Variants in CTNND2 observed in about 807,000 individuals in gnomAD.
CTNND2 encodes catenin delta-2.
In CTNND2, 22 loss-of-function variants were observed where a neutral mutation model predicts 144.4. That is an observed-to-expected ratio of 0.15 (90% confidence interval 0.11 to 0.22). The LOEUF (loss-of-function observed/expected upper bound fraction) is 0.22, where lower values mean the gene tolerates loss of function less well. Ranked by LOEUF, CTNND2 falls within the 10% of genes least tolerant of loss-of-function variation. The pLI, the probability that CTNND2 is intolerant of heterozygous loss-of-function variation, is 1.00. For synonymous variants in CTNND2, 751 were observed against 695.6 expected, an observed-to-expected ratio of 1.08 and a Z score of -1.25; for missense variants, 1,353 against 1,618.8, an observed-to-expected ratio of 0.84 and a Z score of 2.82.
At chr5:11,498,350 TCAGTGCAGC>T (rs1770191631) in intron 3 of CTNND2, among the ~76,000 whole-genome samples, 1 of 151,566 alleles carries the variant, frequency 6.6e-6, no homozygotes, top group Non-Finnish European at 1.5e-5. Flanking sequence ...TGATTAGGAG[TCAGTGCAGC>T]ATGGGAACCT....
chr5:11,876,824 A>T (rs1242353168), intron 1 of CTNND2, among the ~76,000 whole-genome samples: 2 of 152,212 alleles, frequency 1.3e-5, no homozygotes, highest in Non-Finnish European at 1.5e-5. Flanking sequence ...AAGTAATTTT[A>T]AATTATTATT....
chr5:11,538,849 A>G (rs59492048), intron 3 of CTNND2, among the ~76,000 whole-genome samples: 1 of 152,166 alleles, frequency 6.6e-6, no homozygotes, highest in African/African-American at 2.4e-5. Context: ...AAGTTCTCAT[A>G]AACAATTCTC....
In CTNND2 at chr5:11,022,802, T is replaced by C; in HGVS notation, c.2966A>G (p.Lys989Arg). 6.2e-7 allele frequency: 1 copy of C among 1,614,172 alleles called. No homozygotes were observed. Among genetic ancestry groups the C allele is most frequent in the East Asian group, 2.2e-5 (1 of 44,882 alleles). Residue 989 changes from lysine (K) to arginine (R), a missense_variant, in exon 17 of 22, where the codon AAG (lysine) becomes AGG (arginine). Transcript: ENST00000304623. ...TTTGCTTTTGGAGATGCCGACCAACTTCTCGATGCCACCGGCATCCCGTAA... is the reference window on the plus strand; with the variant it reads ...TTTGCTTTTGGAGATGCCGACCAACCTCTCGATGCCACCGGCATCCCGTAA... ...KALRDAGGIE[K>R]LVGISKSKGD...
At chr5:11,328,581 C>T (rs1372769493) in intron 9 of CTNND2, among the ~76,000 whole-genome samples, 1 of 152,100 alleles carries the variant, frequency 6.6e-6, no homozygotes, top group Non-Finnish European at 1.5e-5. Flanking sequence ...TAGGATTTTA[C>T]AGGCATGAGC....
intron 7 of CTNND2, among the ~76,000 whole-genome samples, chr5:11,370,107 A>T (rs1757331337): frequency 6.6e-6 from 1 of 152,078 alleles, no homozygotes; most frequent in Non-Finnish European, 1.5e-5. Flanking sequence ...GATTTGCAGC[A>T]TTCAATGGGA....
At chr5:11,895,480 T>C (rs10513104) in intron 1 of CTNND2, among the ~76,000 whole-genome samples, 29,050 of 152,158 alleles carry the variant, frequency 0.19, 3,238 homozygotes, top group Admixed American at 0.27. Flanking sequence ...ACTTAGAAAA[T>C]GATGAAGTTG....
chr5:11,413,307 T>C (rs1221534629), intron 3 of CTNND2, among the ~76,000 whole-genome samples: 1 of 152,182 alleles, frequency 6.6e-6, no homozygotes, highest in East Asian at 1.9e-4. Context: ...ATTTTAAAAA[T>C]TATAAAAACC....
At chr5:11,506,768 CA>C (rs1771086028) in intron 3 of CTNND2, among the ~76,000 whole-genome samples, 1 of 152,214 alleles carries the variant, frequency 6.6e-6, no homozygotes, top group Non-Finnish European at 1.5e-5. Context: ...AAGCCTTCCA[CA>C]ACAGGTAGCT....
At position 11,411,576 on chromosome 5, in the gene CTNND2, T is replaced by C. The variant is rs1365230706; in HGVS notation, c.399A>G (p.Glu133=). 6.2e-7 allele frequency: 1 copy of C among 1,611,090 alleles called. No homozygotes were observed. The highest frequency in any genetic ancestry group is 1.1e-5 in the South Asian group (1 of 90,962). ...AATCCTGTGGGTCAAGTATTCCTGA[T>C]TCCTGTAGTGACCTAATACAGGAGT... is the stretch of plus-strand genomic sequence containing the variant. ...LVDSCIRSLQ[E]SGILDPQDYS... Residue 133 remains glutamate, a synonymous_variant, in exon 5 of 22, where the codon GAA becomes GAG. Transcript: ENST00000304623.
intron 9 of CTNND2, among the ~76,000 whole-genome samples, chr5:11,333,133 T>A (rs1753350244): frequency 6.6e-6 from 1 of 152,272 alleles, no homozygotes; most frequent in Non-Finnish European, 1.5e-5. Context: ...TCATCCCTCT[T>A]GTAGTATGTA....
intron 11 of CTNND2, among the ~76,000 whole-genome samples, chr5:11,178,067 A>G (rs1353715800): frequency 6.6e-6 from 1 of 152,208 alleles, no homozygotes; most frequent in Admixed American, 6.5e-5. Flanking sequence ...TTGGCTTAGG[A>G]TTCAAGCTGG....
At position 11,097,914 on chromosome 5, in the gene CTNND2, G is replaced by A. The variant is rs954160098; in HGVS notation, c.2637+661C>T. Among the ~76,000 whole-genome samples the A allele has an allele frequency of 2.0e-5, 3 of 152,072 alleles. No homozygotes were observed. In the South Asian group the frequency reaches 6.2e-4, roughly 32 times the overall value. On this transcript the variant is annotated intron_variant, in intron 15 of 21. Coordinates refer to ENST00000304623, the MANE Select transcript of CTNND2 (RefSeq NM_001332.4). Reference sequence around the variant, plus strand: ...ATGCAACAAAGCAAATTAGCGCATTGGTGACCAGACTCAGGAATGAATTAC... The same window carrying A: ...ATGCAACAAAGCAAATTAGCGCATTAGTGACCAGACTCAGGAATGAATTAC...
At chr5:11,397,849 C>T (rs1345187304) in intron 5 of CTNND2, among the ~76,000 whole-genome samples, 1 of 152,172 alleles carries the variant, frequency 6.6e-6, no homozygotes, top group East Asian at 1.9e-4. Context: ...ACGCATGTAG[C>T]TGATATTACA....
intron 1 of CTNND2, among the ~76,000 whole-genome samples, chr5:11,901,365 A>G (rs1355501896): frequency 3.3e-5 from 5 of 152,370 alleles, no homozygotes; most frequent in East Asian, 1.9e-4. Context: ...TTTTAATTTT[A>G]GAAACTATTA....
chr5:11,774,417 G>A (rs1477410455), intron 1 of CTNND2, among the ~76,000 whole-genome samples: 1 of 107,098 alleles, frequency 9.3e-6, no homozygotes, highest in Non-Finnish European at 1.8e-5. Flanking sequence ...GGGGGAGGGG[G>A]GAGGGATAGC....
chr5:11,614,294 G>A (rs1305816607), intron 2 of CTNND2, among the ~76,000 whole-genome samples: 1 of 152,080 alleles, frequency 6.6e-6, no homozygotes, highest in African/African-American at 2.4e-5. Flanking sequence ...GTTCAGACAG[G>A]TTAAAAAATG....
chr5:11,156,319 A>T (rs1053736936), intron 12 of CTNND2, among the ~76,000 whole-genome samples: 5 of 152,176 alleles, frequency 3.3e-5, no homozygotes, highest in Non-Finnish European at 5.9e-5. Context: ...AATTCCTTAA[A>T]TTCTTAACCT....
chr5:11,830,720 C>A (rs1162311522), intron 1 of CTNND2, among the ~76,000 whole-genome samples: 1 of 152,126 alleles, frequency 6.6e-6, no homozygotes, highest in East Asian at 1.9e-4. Flanking sequence ...AGGAAGCAGA[C>A]CCTGGGCTGA....
chr5:11,075,495 G>C (rs1022083618), intron 16 of CTNND2, among the ~76,000 whole-genome samples: 11 of 152,228 alleles, frequency 7.2e-5, no homozygotes, highest in African/African-American at 2.7e-4. Flanking sequence ...GAGGCCAAAG[G>C]ATGATGGCAA....
Sources: gnomAD v4.1 joint callset for allele counts (sites outside exome capture counted in the v4.1 genomes callset) on GRCh38, gnomAD v4.1.1 for gene constraint, MANE v1.5 for transcripts, NCBI Gene and HGNC (gene_info 2026-07-23, HGNC 2026-07-21) for gene names.